The following PIGL variants were observed in gnomAD, a reference collection of about 807,000 sequenced individuals.
PIGL encodes phosphatidylinositol glycan anchor biosynthesis class L.
PIGL carries 22 observed loss-of-function variants against 31.1 expected under a neutral mutation model. That is an observed-to-expected ratio of 0.71 (90% CI 0.51 to 1.01). The LOEUF is 1.01. PIGL is among the 50% of genes least tolerant of loss of function. The pLI is 0.00. For missense variants in PIGL, 302 were observed against 315.9 expected, an observed-to-expected ratio of 0.96 and a Z score of 0.33; for synonymous variants, 131 against 117.4, an observed-to-expected ratio of 1.12 and a Z score of -0.75.
chr17:16,229,095 A>C (rs1164232338), intron 1 of PIGL, among the ~76,000 whole-genome samples: 2 of 151,940 alleles, frequency 1.3e-5, no homozygotes, highest in African/African-American at 4.8e-5. Context: ...ACATAGTGAG[A>C]TTTCGTCTTT....
At chr17:16,247,408 G>A (rs916962739) in intron 2 of PIGL, among the ~76,000 whole-genome samples, 2 of 152,172 alleles carry the variant, frequency 1.3e-5, no homozygotes, top group African/African-American at 4.8e-5. Context: ...CACCAGCTGT[G>A]AACCTGTGAA....
intron 6 of PIGL, 131 bp from the exon 7 acceptor site, chr17:16,325,669 G>C: frequency 1.4e-6 from 1 of 696,724 alleles, no homozygotes; most frequent in South Asian, 1.8e-5. Flanking sequence ...GTTACAGGAA[G>C]AAGACAGATA....
chr17:16,311,940 G>A (rs1387604339), intron 3 of PIGL, among the ~76,000 whole-genome samples: 2 of 151,702 alleles, frequency 1.3e-5, no homozygotes. Context: ...AACCGCCATC[G>A]TCATCATGGC....
At chr17:16,324,756 A>G (rs192360345) in intron 6 of PIGL, among the ~76,000 whole-genome samples, 51 of 152,336 alleles carry the variant, frequency 3.3e-4, no homozygotes, top group Admixed American at 2.7e-3. Flanking sequence ...TGGTACTTAG[A>G]GATAAACAGG....
At chr17:16,271,007 C>T (rs1238607437) in intron 2 of PIGL, among the ~76,000 whole-genome samples, 3 of 152,040 alleles carry the variant, frequency 2.0e-5, no homozygotes, top group African/African-American at 7.2e-5. Flanking sequence ...CTGCTCAATT[C>T]AACAATGTAC....
At chr17:16,322,719 TAGTC>T in intron 6 of PIGL, among the ~76,000 whole-genome samples, 1 of 152,324 alleles carries the variant, frequency 6.6e-6, no homozygotes, top group African/African-American at 2.4e-5. Flanking sequence ...AGTGCTTTTG[TAGTC>T]ATTCGTGGAC....
At chr17:16,307,564 A>C (rs909080943) in intron 3 of PIGL, among the ~76,000 whole-genome samples, 1 of 152,212 alleles carries the variant, frequency 6.6e-6, no homozygotes, top group South Asian at 2.1e-4. Flanking sequence ...TGGGCATTGC[A>C]TATAGTTCTG....
At chr17:16,305,750 G>A (rs1387290588) in intron 3 of PIGL, among the ~76,000 whole-genome samples, 4 of 152,152 alleles carry the variant, frequency 2.6e-5, no homozygotes, top group Admixed American at 2.6e-4. Context: ...AACAGCCTGG[G>A]AGTTGAGATA....
At chr17:16,253,854 G>A (rs1297773206) in intron 2 of PIGL, among the ~76,000 whole-genome samples, 1 of 151,978 alleles carries the variant, frequency 6.6e-6, no homozygotes, top group African/African-American at 2.4e-5. Flanking sequence ...GAGGCAGGAG[G>A]ATCATTTGAG....
chr17:16,294,618 C>T (rs1362000793), intron 2 of PIGL, among the ~76,000 whole-genome samples: 3 of 152,188 alleles, frequency 2.0e-5, no homozygotes, highest in Non-Finnish European at 2.9e-5. Flanking sequence ...ATCCATTGAA[C>T]ACCTGCTGTG....
intron 6 of PIGL, among the ~76,000 whole-genome samples, chr17:16,318,999 A>G (rs1380413945): frequency 6.6e-6 from 1 of 151,510 alleles, no homozygotes; most frequent in Non-Finnish European, 1.5e-5. Context: ...CATGCCTGTA[A>G]TCCCAGTACT....
Position 16,317,845 on chromosome 17 carries a change from G to C in PIGL, c.597G>C (p.Leu199Phe). Residue 199 changes from leucine to phenylalanine, a missense_variant, in exon 6 of 7, where the codon TTG (leucine) becomes TTC (phenylalanine). Coordinates refer to ENST00000225609, the MANE Select transcript of PIGL (RefSeq NM_004278.4). ...RKYISLLDLP[L>F]SLLHTQDVLF... ...ACATCTCCCTTCTGGATCTGCCCTT[G>C]TCTCTGCTTCATACGCAGGATGTCC... 1 of 1,614,140 alleles carries C rather than the reference G, an allele frequency of 6.2e-7. No homozygotes were observed. Among genetic ancestry groups the C allele is most frequent in the Non-Finnish European group, 8.5e-7 (1 of 1,180,046 alleles).
intron 2 of PIGL, among the ~76,000 whole-genome samples, chr17:16,291,809 G>T (rs1340452965): frequency 6.6e-6 from 1 of 151,414 alleles, no homozygotes; most frequent in East Asian, 2.0e-4. Flanking sequence ...AGGTTGCAGT[G>T]AGCTGAGATT....
intron 3 of PIGL, among the ~76,000 whole-genome samples, chr17:16,305,759 T>C (rs2093023633): frequency 6.6e-6 from 1 of 152,186 alleles, no homozygotes; most frequent in South Asian, 2.1e-4. Flanking sequence ...GGAGTTGAGA[T>C]ACTCTAGGGT....
At chr17:16,314,170 A>G (rs2093066343) in intron 4 of PIGL, among the ~76,000 whole-genome samples, 1 of 152,246 alleles carries the variant, frequency 6.6e-6, no homozygotes, top group South Asian at 2.1e-4. Context: ...ATGCAAGCTC[A>G]AAGGTATTGA....
At chr17:16,288,261 C>T (rs1201197154) in intron 2 of PIGL, among the ~76,000 whole-genome samples, 2 of 152,162 alleles carry the variant, frequency 1.3e-5, no homozygotes, top group African/African-American at 4.8e-5. Flanking sequence ...GGTTGGAGTA[C>T]AGTGGCTCAG....
intron 2 of PIGL, among the ~76,000 whole-genome samples, chr17:16,247,951 G>A (rs181394572): frequency 5.9e-5 from 9 of 151,832 alleles, no homozygotes; most frequent in Admixed American, 3.9e-4. Context: ...ACAGTGGCAC[G>A]ATCTCAGCTC....
At chr17:16,269,493 C>CAA (rs988722674) in intron 2 of PIGL, among the ~76,000 whole-genome samples, 1 of 151,530 alleles carries the variant, frequency 6.6e-6, no homozygotes, top group African/African-American at 2.4e-5. Flanking sequence ...ACTAAAAATA[C>CAA]AAAAAAAATT....
At chr17:16,242,718 G>T (rs1344290646) in intron 2 of PIGL, among the ~76,000 whole-genome samples, 1 of 125,006 alleles carries the variant, frequency 8.0e-6, no homozygotes, top group African/African-American at 3.0e-5. Context: ...CTGGGTTCAA[G>T]TGATTCTTCT....
Sources: allele counts gnomAD v4.1 joint callset (sites outside exome capture counted in the v4.1 genomes callset), GRCh38; gene constraint gnomAD v4.1.1; transcripts MANE v1.5; gene names NCBI Gene and HGNC (gene_info 2026-07-23, HGNC 2026-07-21).